Variants in EYS observed in about 807,000 individuals in gnomAD.
EYS encodes protein eyes shut homolog.
In EYS, 250 loss-of-function variants were observed where a neutral mutation model predicts 282.1. The observed-to-expected ratio is 0.89, with a 90% CI of 0.80 to 0.98. The LOEUF is 0.98. Ranked by LOEUF, EYS falls within the 50% of genes least tolerant of loss-of-function variation. The pLI is 0.00. For missense variants in EYS, 4,016 were observed against 3,709.0 expected (o/e 1.08, Z -2.15); for synonymous variants, 1,355 against 1,282.9 (o/e 1.06, Z -1.20).
intron 36 of EYS, among the ~76,000 whole-genome samples, chr6:63,812,808 A>G (rs1222172389): frequency 6.6e-6 from 1 of 152,100 alleles, no homozygotes; most frequent in East Asian, 1.9e-4. Flanking sequence ...AATGCTAATC[A>G]TTGCTTGTTT....
chr6:64,443,536 C>A (rs80169693), intron 26 of EYS, among the ~76,000 whole-genome samples: 3 of 152,098 alleles, frequency 2.0e-5, no homozygotes, highest in African/African-American at 7.2e-5. Flanking sequence ...TGTGTCCTCA[C>A]CCAAATCTCA....
chr6:64,385,938 A>G (rs1561963618), intron 29 of EYS, among the ~76,000 whole-genome samples: 1 of 152,048 alleles, frequency 6.6e-6, no homozygotes, highest in Non-Finnish European at 1.5e-5. Context: ...CTAATTTGGC[A>G]TGTACCTCTT....
intron 29 of EYS, among the ~76,000 whole-genome samples, chr6:64,355,315 T>C (rs1244650999): frequency 2.6e-5 from 4 of 151,562 alleles, no homozygotes; most frequent in Non-Finnish European, 4.4e-5. Flanking sequence ...CTATGTGGCT[T>C]CCAGGTCCCT....
At chr6:64,024,648 G>A (rs1401421721) in intron 33 of EYS, among the ~76,000 whole-genome samples, 25 of 152,028 alleles carry the variant, frequency 1.6e-4, no homozygotes, top group African/African-American at 5.6e-4. Flanking sequence ...AACACTCACT[G>A]TGAAGGTCTG....
chr6:63,777,404 A>G (rs1403105523), intron 40 of EYS, among the ~76,000 whole-genome samples: 1 of 152,218 alleles, frequency 6.6e-6, no homozygotes, highest in African/African-American at 2.4e-5. Flanking sequence ...TGTATGAGAC[A>G]TAAGAAATTT....
At chr6:64,373,061 C>T (rs1191780055) in intron 29 of EYS, among the ~76,000 whole-genome samples, 1 of 152,134 alleles carries the variant, frequency 6.6e-6, no homozygotes, top group Non-Finnish European at 1.5e-5. Flanking sequence ...ATGTTTCTGA[C>T]ATTTCAGCCA....
intron 35 of EYS, among the ~76,000 whole-genome samples, chr6:63,954,919 A>C (rs10944202): frequency 0.4 from 61,189 of 152,030 alleles, 13,322 homozygotes; most frequent in African/African-American, 0.58. Context: ...TCAAGGAAAT[A>C]ACTTCTCAGT....
chr6:63,721,128 A>T lies in EYS; in HGVS notation c.8903T>A (p.Ile2968Asn). 1 of 1,551,434 alleles carries T rather than the reference A, an allele frequency of 6.4e-7. No homozygotes were observed. Among genetic ancestry groups the T allele is most frequent in the Non-Finnish European group, 8.7e-7 (1 of 1,146,754 alleles). The stretch of plus-strand genomic sequence containing the variant: ...GTTTCTCATTCTATAATTTGGATCA[A>T]TGTATTTAATGTAAGAATTACCCAT... Reference protein sequence around the residue: ...KFMGNSYIKYIDPNYRMRNLQ... With the variant: ...KFMGNSYIKYNDPNYRMRNLQ... The change falls in exon 43 of 43, where the codon ATT becomes AAT. Residue 2968 changes from isoleucine (I) to asparagine (N), a missense_variant. By Grantham distance (149) the Ile-to-Asn change is moderately radical (BLOSUM62 -3). Transcript: ENST00000503581.
chr6:64,887,448 A>C (rs189906366), intron 18 of EYS, among the ~76,000 whole-genome samples: 343 of 152,212 alleles, frequency 2.3e-3, no homozygotes, highest in Non-Finnish European at 3.8e-3. Flanking sequence ...AACAAACAAA[A>C]AAAAAGAAAT....
At chr6:63,765,327 G>A (rs567774062) in intron 40 of EYS, among the ~76,000 whole-genome samples, 87 of 151,912 alleles carry the variant, frequency 5.7e-4, no homozygotes, top group African/African-American at 2.0e-3. Flanking sequence ...TCTAAAATGG[G>A]TATTATGGTA....
chr6:64,811,630 G>A (rs963126733), intron 22 of EYS, among the ~76,000 whole-genome samples: 5 of 152,020 alleles, frequency 3.3e-5, no homozygotes, highest in East Asian at 1.9e-4. Context: ...TTGTTCTCTC[G>A]AGAAAAGATT....
At chr6:65,250,388 A>G (rs1767290546) in intron 12 of EYS, among the ~76,000 whole-genome samples, 1 of 151,996 alleles carries the variant, frequency 6.6e-6, no homozygotes, top group Non-Finnish European at 1.5e-5. Context: ...GCTGAGGGGA[A>G]GAGACACTAT....
At chr6:65,633,505 A>G (rs1766989946) in intron 2 of EYS, among the ~76,000 whole-genome samples, 1 of 152,162 alleles carries the variant, frequency 6.6e-6, no homozygotes, top group Admixed American at 6.5e-5. Context: ...GTAGGTTTTA[A>G]TGTCTCTGTT....
Position 65,346,423 on chromosome 6 carries a change from AC to A in EYS, c.1460-2247del, listed in dbSNP as rs1339581656. ...CCCTTATTGAAAAAAAAAACAAAAA[AC>A]AATGTCCGAAGTGTGTATAATTTAA... On this transcript the variant is annotated intron_variant, in intron 9 of 42. Transcript: ENST00000503581. Among the ~76,000 whole-genome samples, 712 of 151,326 alleles carry A rather than the reference AC, an allele frequency of 4.7e-3. 16 individuals carry two copies. The highest frequency in any genetic ancestry group is 0.039 in the East Asian group (199 of 5,052).
intron 22 of EYS, among the ~76,000 whole-genome samples, chr6:64,775,465 C>T (rs2149989387): frequency 6.6e-6 from 1 of 152,082 alleles, no homozygotes; most frequent in South Asian, 2.1e-4. Context: ...TTAGGAGCTT[C>T]ATTGTTCTCT....
At chr6:65,496,434 T>C (rs1296191219) in intron 2 of EYS, among the ~76,000 whole-genome samples, 1 of 152,054 alleles carries the variant, frequency 6.6e-6, no homozygotes, top group Admixed American at 6.6e-5. Flanking sequence ...CAAATCACTC[T>C]ACTACTTGAT....
intron 2 of EYS, among the ~76,000 whole-genome samples, chr6:65,594,978 G>A (rs1187554476): frequency 6.6e-6 from 1 of 152,072 alleles, no homozygotes; most frequent in Admixed American, 6.6e-5. Flanking sequence ...GGTTGTAGAT[G>A]TGTGGTATTA....
intron 13 of EYS, among the ~76,000 whole-genome samples, chr6:65,011,420 T>C (rs1771865752): frequency 6.6e-6 from 1 of 152,204 alleles, no homozygotes; most frequent in Admixed American, 6.5e-5. Flanking sequence ...CAAATCGTTC[T>C]TCAAATGGAG....
At chr6:64,652,475 C>A (rs1454532069) in intron 22 of EYS, among the ~76,000 whole-genome samples, 1 of 152,032 alleles carries the variant, frequency 6.6e-6, no homozygotes, top group East Asian at 1.9e-4. Context: ...CCTACAACCA[C>A]AAGGAAATGA....
Sources: allele counts gnomAD v4.1 joint callset (sites outside exome capture counted in the v4.1 genomes callset), GRCh38; gene constraint gnomAD v4.1.1; transcripts MANE v1.5; gene names NCBI Gene and HGNC (gene_info 2026-07-23, HGNC 2026-07-21).